TENM3: variants seen among roughly 807,000 people sequenced by gnomAD.
TENM3 encodes teneurin-3.
In TENM3, 63 loss-of-function variants were observed where a neutral mutation model predicts 255.1. That is an observed-to-expected ratio of 0.25 (90% CI 0.20 to 0.30). The LOEUF (loss-of-function observed/expected upper bound fraction) is 0.30. Ranked by LOEUF, TENM3 falls within the 10% of genes least tolerant of loss-of-function variation. The pLI is 1.00. For synonymous variants in TENM3, 1,306 were observed against 1,322.3 expected (o/e 0.99, Z 0.27); for missense variants, 2,929 against 3,461.1 (o/e 0.85, Z 3.86).
the TENM3 span, among the ~76,000 whole-genome samples, chr4:181,732,109 C>T: frequency 1.8e-4 from 27 of 152,090 alleles, 1 homozygote. Context: ...GCGATTTTCC[C>T]CAATTCAGTG....
chr4:181,481,957 G>A, the TENM3 span, among the ~76,000 whole-genome samples: 1 of 152,044 alleles, frequency 6.6e-6, no homozygotes, highest in African/African-American at 2.4e-5. Flanking sequence ...TTTGTTCTTT[G>A]TTAGTTAATT....
chr4:182,716,289 G>A (rs749021063), intron 13 of TENM3, among the ~76,000 whole-genome samples: 14 of 152,216 alleles, frequency 9.2e-5, no homozygotes, highest in Non-Finnish European at 1.8e-4. Flanking sequence ...AGACACTGCC[G>A]AGTAATTTAG....
At chr4:181,515,984 G>C in the TENM3 span, among the ~76,000 whole-genome samples, 91,047 of 152,016 alleles carry the variant, frequency 0.6, 27,953 homozygotes, top group Non-Finnish European at 0.69. Context: ...AGAAAATATG[G>C]TACATATGCA....
At chr4:182,039,028 C>A in the TENM3 span, among the ~76,000 whole-genome samples, 1 of 152,050 alleles carries the variant, frequency 6.6e-6, no homozygotes, top group Non-Finnish European at 1.5e-5. Context: ...CCCCTGCGCC[C>A]GGCCATAAAA....
At chr4:181,680,391 CAA>C in the TENM3 span, among the ~76,000 whole-genome samples, 1 of 151,876 alleles carries the variant, frequency 6.6e-6, no homozygotes, top group South Asian at 2.1e-4. Context: ...TTTAATTTGT[CAA>C]AAAAATTGTA....
intron 12 of TENM3, among the ~76,000 whole-genome samples, chr4:182,695,576 C>A (rs558116619): frequency 6.6e-6 from 1 of 152,210 alleles, no homozygotes; most frequent in East Asian, 1.9e-4. Flanking sequence ...TTACTGCTAG[C>A]CACCTAGGAA....
chr4:181,781,015 G>T, the TENM3 span, among the ~76,000 whole-genome samples: 1 of 152,120 alleles, frequency 6.6e-6, no homozygotes, highest in African/African-American at 2.4e-5. Context: ...TGCTGTTTTG[G>T]TTACTGTAGC....
the TENM3 span, among the ~76,000 whole-genome samples, chr4:182,103,455 C>G: frequency 6.6e-6 from 1 of 152,202 alleles, no homozygotes; most frequent in South Asian, 2.1e-4. Flanking sequence ...ATGGCCTCTT[C>G]ATAATGAAAT....
chr4:182,209,031 C>T (rs948346073), intron 1 of TENM3, among the ~76,000 whole-genome samples: 60 of 150,800 alleles, frequency 4.0e-4, no homozygotes, highest in Admixed American at 9.2e-4. Flanking sequence ...TGCGGTGGCA[C>T]AGTCTCAGCT....
the TENM3 span, among the ~76,000 whole-genome samples, chr4:181,627,257 A>G: frequency 6.6e-6 from 1 of 152,232 alleles, no homozygotes; most frequent in Non-Finnish European, 1.5e-5. Flanking sequence ...ATAAGAAAAC[A>G]AGCTCTTTTA....
At chr4:182,005,046 T>C in the TENM3 span, among the ~76,000 whole-genome samples, 4 of 152,242 alleles carry the variant, frequency 2.6e-5, no homozygotes, top group East Asian at 1.9e-4. Flanking sequence ...ACAGATTCTT[T>C]TGCTGTGCTG....
the TENM3 span, among the ~76,000 whole-genome samples, chr4:181,794,879 C>T: frequency 6.6e-6 from 1 of 152,114 alleles, no homozygotes; most frequent in African/African-American, 2.4e-5. Context: ...TACTTCAGAG[C>T]ACCTTTTTCA....
At chr4:182,708,797 CA>C (rs530056176) in intron 12 of TENM3, among the ~76,000 whole-genome samples, 129 of 104,370 alleles carry the variant, frequency 1.2e-3, no homozygotes, top group Admixed American at 2.0e-3. Context: ...GACTCCGTCT[CA>C]AAAAAAAAAA....
At chr4:181,664,038 G>C in the TENM3 span, among the ~76,000 whole-genome samples, 3 of 152,194 alleles carry the variant, frequency 2.0e-5, no homozygotes, top group Non-Finnish European at 2.9e-5. Context: ...GTTTAGTGGT[G>C]TGGTTAAGAG....
chr4:182,404,972 G>C (rs1201206316), intron 3 of TENM3, among the ~76,000 whole-genome samples: 3 of 152,222 alleles, frequency 2.0e-5, no homozygotes, highest in African/African-American at 7.2e-5. Context: ...TTCATAAACA[G>C]TAGAGAGCAT....
chr4:182,497,209 T>C (rs1300682558), intron 3 of TENM3, among the ~76,000 whole-genome samples: 1 of 152,046 alleles, frequency 6.6e-6, no homozygotes, highest in Non-Finnish European at 1.5e-5. Context: ...CGCGCCACCA[T>C]GCCCGGCCAA....
At chr4:181,868,313 C>A in the TENM3 span, among the ~76,000 whole-genome samples, 1 of 152,046 alleles carries the variant, frequency 6.6e-6, no homozygotes, top group African/African-American at 2.4e-5. Flanking sequence ...ACTTCTAACA[C>A]TGCAAATTTA....
chr4:182,422,693 G>T (rs191760116), intron 3 of TENM3, among the ~76,000 whole-genome samples: 4 of 152,296 alleles, frequency 2.6e-5, no homozygotes, highest in African/African-American at 9.6e-5. Flanking sequence ...CTTTGGGAAA[G>T]AATGTACTAA....
At chr4:182,597,849 G>A (rs147622383) in intron 3 of TENM3, among the ~76,000 whole-genome samples, 58 of 152,158 alleles carry the variant, frequency 3.8e-4, no homozygotes, top group East Asian at 1.4e-3. Context: ...CTGAATCCCC[G>A]GATTTTGCTC....
Sources: gnomAD v4.1 joint callset for allele counts (sites outside exome capture counted in the v4.1 genomes callset) on GRCh38, gnomAD v4.1.1 for gene constraint, MANE v1.5 for transcripts, NCBI Gene and HGNC (gene_info 2026-07-23, HGNC 2026-07-21) for gene names.